PDCD6: variants seen among roughly 807,000 people sequenced by gnomAD.
The protein encoded by PDCD6 is programmed cell death protein 6.
Under a neutral mutation model 28.3 loss-of-function variants are expected in PDCD6, and 12 were observed. The ratio of observed to expected loss-of-function variants is 0.42; its 90% CI spans 0.27 to 0.69. The LOEUF is 0.69. Among genes scored for constraint, PDCD6 ranks in the 30% least tolerant of loss-of-function variants. PDCD6 has a pLI of 0.22. For synonymous variants in PDCD6, 92 were observed against 108.0 expected, an observed-to-expected ratio of 0.85 and a Z score of 0.92; for missense variants, 226 against 269.9, an observed-to-expected ratio of 0.84 and a Z score of 1.14.
intron 2 of PDCD6, 177 bp downstream of exon 2, chr5:272,949 T>A (rs1737930154): frequency 8.2e-7 from 1 of 1,226,084 alleles, no homozygotes; most frequent in South Asian, 1.4e-5. Flanking sequence ...CCGCTGTTAC[T>A]GCTTGGAGTG....
At chr5:275,907 G>A (rs1738165324) in intron 2 of PDCD6, 2 of 612,868 alleles carry the variant, frequency 3.3e-6, no homozygotes, top group Non-Finnish European at 2.6e-6. Flanking sequence ...CTGCCTGGTG[G>A]CATCCTACTG....
chr5:288,292 T>TATA (rs56208909), intron 2 of PDCD6, among the ~76,000 whole-genome samples: 1 of 107,110 alleles, frequency 9.3e-6, no homozygotes, highest in Non-Finnish European at 2.3e-5. Context: ...AATATATATA[T>TATA]TATATATATA....
At chr5:289,273 A>G (rs1044614228) in intron 2 of PDCD6, 16 of 546,990 alleles carry the variant, frequency 2.9e-5, no homozygotes, top group Admixed American at 1.4e-4. Flanking sequence ...TTCAGCAACA[A>G]CTACATACAG....
At chr5:286,048 G>T (rs76075591) in intron 2 of PDCD6, among the ~76,000 whole-genome samples, 29 of 147,810 alleles carry the variant, frequency 2.0e-4, no homozygotes, top group African/African-American at 6.5e-4. Context: ...CCCGGGGAGT[G>T]GGGGGAGCTG....
rs1476207702 is a variant in PDCD6 at position 307,710 on chromosome 5, C to T, written c.367+950C>T. On this transcript the variant is annotated intron_variant, in intron 4 of 5. Coordinates refer to ENST00000264933, the MANE Select transcript of PDCD6 (RefSeq NM_013232.4). This position sits in a 1 kb window ranked among gnomAD's most constrained non-coding sequence, Gnocchi z 6.1. ...GCTTCCGTGATTTGCTTAAAAGGCT[C>T]CTTAGAAACAGTGAGGAAAATTCGA... Among the ~76,000 whole-genome samples, 1 of 152,194 alleles carries T rather than the reference C, an allele frequency of 6.6e-6. No homozygotes were observed. The highest frequency in any genetic ancestry group is 2.4e-5 in the African/African-American group (1 of 41,438).
chr5:294,633 C>T (rs1266051087), intron 2 of PDCD6, among the ~76,000 whole-genome samples: 2 of 152,236 alleles, frequency 1.3e-5, no homozygotes, highest in Admixed American at 6.5e-5. Context: ...GAAAGTGGTC[C>T]GGGAGTTTCT....
At chr5:311,519 C>T in intron 5 of PDCD6, 117 bp downstream of exon 5, 2 of 683,114 alleles carry the variant, frequency 2.9e-6, no homozygotes, top group East Asian at 2.7e-5. Context: ...GTTTTTGGAG[C>T]TTATAAAAGT....
At chr5:287,745 C>T (rs1025643569) in intron 2 of PDCD6, among the ~76,000 whole-genome samples, 2 of 152,132 alleles carry the variant, frequency 1.3e-5, no homozygotes, top group Admixed American at 6.5e-5. Context: ...TTTCTATGCA[C>T]CCCTAAAGCT....
At chr5:297,598 C>T (rs1009223953) in intron 2 of PDCD6, among the ~76,000 whole-genome samples, 17 of 152,178 alleles carry the variant, frequency 1.1e-4, no homozygotes, top group South Asian at 2.1e-4. Context: ...TCAAAGCAAT[C>T]GAGGAATTCC....
chr5:280,282 TAGAGGCCTGTCCGGCAGGA>T (rs1738482737), intron 2 of PDCD6, among the ~76,000 whole-genome samples: 1 of 151,646 alleles, frequency 6.6e-6, no homozygotes, highest in African/African-American at 2.4e-5. Flanking sequence ...GAGGAACGGA[TAGAGGCCTGTCCGGCAGGA>T]AGGGAACAGC....
intron 2 of PDCD6, 131 bp from the exon 3 acceptor site, chr5:304,046 C>G: frequency 7.6e-7 from 1 of 1,322,660 alleles, no homozygotes; most frequent in Admixed American, 1.9e-5. Context: ...GACACGTCAC[C>G]TGGAGTGTCT....
chr5:283,212 A>G (rs1379198618), intron 2 of PDCD6, among the ~76,000 whole-genome samples: 1 of 148,032 alleles, frequency 6.8e-6, no homozygotes. Context: ...CATGCAGCTG[A>G]AGACTCGGGG....
chr5:297,040 G>C (rs551747133), intron 2 of PDCD6, among the ~76,000 whole-genome samples: 2 of 152,358 alleles, frequency 1.3e-5, no homozygotes, highest in African/African-American at 4.8e-5. Context: ...AGGGTGGAGT[G>C]TCTGGTGCTC....
At chr5:280,707 G>A (rs1373028758) in intron 2 of PDCD6, among the ~76,000 whole-genome samples, 1 of 150,368 alleles carries the variant, frequency 6.7e-6, no homozygotes, top group African/African-American at 2.5e-5. Context: ...AGAGGGCAGG[G>A]CTGTGAGGGC....
chr5:276,806 A>G (rs1205746993), intron 2 of PDCD6: 2 of 985,288 alleles, frequency 2.0e-6, no homozygotes, highest in Non-Finnish European at 2.4e-6. Context: ...TGGCCCATAC[A>G]CTGATTCCTT....
intron 2 of PDCD6, among the ~76,000 whole-genome samples, chr5:280,040 G>A (rs34901337): frequency 6.7e-6 from 1 of 149,304 alleles, no homozygotes; most frequent in Non-Finnish European, 1.5e-5. Flanking sequence ...CTCCAAGGAC[G>A]AATGGTATTT....
intron 2 of PDCD6, among the ~76,000 whole-genome samples, chr5:283,455 C>T (rs77907668): frequency 0.014 from 1,761 of 125,332 alleles, no homozygotes; most frequent in African/African-American, 0.049. Flanking sequence ...GCTGCAGACC[C>T]AGAGAGGAGC....
chr5:299,382 G>C (rs1355717520), intron 2 of PDCD6, among the ~76,000 whole-genome samples: 4 of 148,932 alleles, frequency 2.7e-5, no homozygotes, highest in Admixed American at 2.7e-4. Context: ...GCGAGACCAT[G>C]CTGGAACCGT....
At chr5:302,961 G>A (rs556246830) in intron 2 of PDCD6, among the ~76,000 whole-genome samples, 6 of 152,330 alleles carry the variant, frequency 3.9e-5, no homozygotes, top group African/African-American at 1.4e-4. Flanking sequence ...GCTGGAGGGC[G>A]GGATCTTCCC....
Sources: gnomAD v4.1 joint callset for allele counts (sites outside exome capture counted in the v4.1 genomes callset) on GRCh38, gnomAD v4.1.1 for gene constraint, Gnocchi (gnomAD v3.1) non-coding constraint, MANE v1.5 for transcripts, NCBI Gene and HGNC (gene_info 2026-07-23, HGNC 2026-07-21) for gene names.